The following NDUFS5 variants were observed in gnomAD, a reference collection of about 807,000 sequenced individuals.
The protein encoded by NDUFS5 is NADH dehydrogenase [ubiquinone] iron-sulfur protein 5.
A neutral mutation model predicts 10.5 loss-of-function variants in NDUFS5; 7 were observed. That is an observed-to-expected ratio of 0.66 (90% confidence interval 0.38 to 1.25). The LOEUF is 1.25. NDUFS5 is among the 50% of genes most tolerant of loss of function. The pLI is 0.02. For missense variants in NDUFS5, 148 were observed against 140.7 expected (o/e 1.05, Z -0.26); for synonymous variants, 38 against 44.0 (o/e 0.86, Z 0.54).
Position 39,034,576 on chromosome 1 carries a change from C to T in NDUFS5, c.*80C>T. On this transcript the variant is annotated 3_prime_UTR_variant, in exon 3 of 3. Coordinates refer to ENST00000372969, the MANE Select transcript of NDUFS5 (RefSeq NM_004552.3). ...GGAAAGGTTGTTTACGACAAACCTC[C>T]TTGTCAAAGTGTGTAAAAATAAAGG... 2 of 1,150,814 alleles carry T rather than the reference C, an allele frequency of 1.7e-6. No homozygotes were observed. Among genetic ancestry groups the T allele is most frequent in the East Asian group, 4.9e-5 (2 of 41,096 alleles). The allele number at this position is 1,150,814 out of a possible 1,614,324, so 71.3% of individuals were successfully genotyped here. A position where few individuals can be genotyped will look rare whatever the true frequency, so the allele number is the denominator to read the frequency against.
At chr1:39,029,385 T>C (rs1275570435) in intron 2 of NDUFS5, among the ~76,000 whole-genome samples, 2 of 152,182 alleles carry the variant, frequency 1.3e-5, no homozygotes, top group African/African-American at 2.4e-5. Flanking sequence ...GAAATACCTT[T>C]CCTACTTTGG....
At chr1:39,033,949 C>T (rs769826211) in intron 2 of NDUFS5, among the ~76,000 whole-genome samples, 11 of 151,934 alleles carry the variant, frequency 7.2e-5, no homozygotes, top group South Asian at 2.1e-4. Flanking sequence ...TACAGATGTG[C>T]ACCACCATCC....
At chr1:39,034,347 G>C in intron 2 of NDUFS5, 45 bp from the exon 3 acceptor site, 1 of 1,582,604 alleles carries the variant, frequency 6.3e-7, no homozygotes, top group Non-Finnish European at 8.7e-7. Flanking sequence ...TCACTTTTTG[G>C]CACATATCTC....
chr1:39,027,747 T>A (rs895420587), intron 1 of NDUFS5, among the ~76,000 whole-genome samples: 1 of 142,506 alleles, frequency 7.0e-6, no homozygotes, highest in Non-Finnish European at 1.5e-5. Flanking sequence ...GCCTTTTTTT[T>A]TTTTTTTTTT....
chr1:39,028,930 G>C lies in NDUFS5; in HGVS notation c.206G>C (p.Arg69Pro). 1.2e-6 allele frequency: 2 copies of C among 1,613,524 alleles called. No homozygotes were observed. Among genetic ancestry groups the C allele is most frequent in the Non-Finnish European group, 1.7e-6 (2 of 1,179,712 alleles). ...GATGATTTCGTAGAGTGTTTGCTTC[G>C]GCAGAAAACGGTAAGGAAATGATGG... ...EYDDFVECLLRQKTMRRAGTI... is the reference protein window; with the variant it reads ...EYDDFVECLLPQKTMRRAGTI... The change falls in exon 2 of 3, where the codon CGG (arginine) becomes CCG (proline). Residue 69 changes from arginine (R) to proline (P), a missense_variant. By Grantham distance (103) the Arg-to-Pro change is moderately radical. Coordinates refer to ENST00000372969, the MANE Select transcript of NDUFS5 (RefSeq NM_004552.3).
Position 39,028,827 on chromosome 1 carries a change from G to C in NDUFS5, c.103G>C (p.Ala35Pro), listed in dbSNP as rs760005176. ...QPYKMAGRCH[A>P]FEKEWIECAH... The stretch of plus-strand genomic sequence containing the variant: ...CTACAAGATGGCTGGTCGATGCCAT[G>C]CTTTTGAAAAAGAATGGATAGAATG... The change falls in exon 2 of 3, where the codon GCT becomes CCT. Residue 35 changes from alanine to proline, a missense_variant. Physicochemically the swap from Ala to Pro is conservative, Grantham distance 27. Transcript: ENST00000372969. 1.2e-6 allele frequency: 2 copies of C among 1,614,114 alleles called. No homozygotes were observed. The highest frequency in any genetic ancestry group is 1.7e-6 in the Non-Finnish European group (2 of 1,179,990).
chr1:39,027,481 G>T (rs1411101077), intron 1 of NDUFS5, among the ~76,000 whole-genome samples: 1 of 148,894 alleles, frequency 6.7e-6, no homozygotes, highest in Non-Finnish European at 1.5e-5. Flanking sequence ...TTGTGTGTGT[G>T]TTTTTACATT....
intron 2 of NDUFS5, among the ~76,000 whole-genome samples, chr1:39,029,502 C>G (rs571060324): frequency 1.3e-4 from 20 of 152,266 alleles, no homozygotes; most frequent in Admixed American, 5.2e-4. Context: ...CCTGCTTTAG[C>G]CACCAGGTTA....
intron 2 of NDUFS5, among the ~76,000 whole-genome samples, chr1:39,031,537 C>A (rs968596254): frequency 6.6e-6 from 1 of 152,084 alleles, no homozygotes; most frequent in Non-Finnish European, 1.5e-5. Flanking sequence ...AACTCCTGGC[C>A]TCAAACGATC....
chr1:39,028,156 G>T (rs1324659958), intron 1 of NDUFS5, among the ~76,000 whole-genome samples: 1 of 148,378 alleles, frequency 6.7e-6, no homozygotes, highest in Non-Finnish European at 1.5e-5. Flanking sequence ...TTTAGGCCAG[G>T]TGCAGTGGCT....
At position 39,028,786 on chromosome 1, in the gene NDUFS5, A is replaced by G; in HGVS notation, c.62A>G (p.Gln21Arg). The G allele has an allele frequency of 2.5e-6, 4 of 1,614,154 alleles. No individual in the cohort carries two copies. The highest frequency in any genetic ancestry group is 3.4e-6 in the Non-Finnish European group (4 of 1,180,028). The change falls in exon 2 of 3, where the codon CAG becomes CGG. Residue 21 changes from glutamine (Q) to arginine (R), a missense_variant. By Grantham distance (43) the Gln-to-Arg change is conservative (BLOSUM62 1). Coordinates refer to ENST00000372969, the MANE Select transcript of NDUFS5 (RefSeq NM_004552.3). Reference protein sequence around the residue: ...GLNIDRWLTIQSGEQPYKMAG... With the variant: ...GLNIDRWLTIRSGEQPYKMAG... ...AACATAGATCGATGGTTGACAATCC[A>G]GAGTGGTGAACAGCCCTACAAGATG...
chr1:39,028,135 T>TA (rs200377961), intron 1 of NDUFS5, among the ~76,000 whole-genome samples: 15,941 of 139,950 alleles, frequency 0.11, 1,106 homozygotes, highest in Non-Finnish European at 0.16. Context: ...GTGGCTGATT[T>TA]AAAAAAAAAA....
At chr1:39,028,109 C>T (rs76289224) in intron 1 of NDUFS5, among the ~76,000 whole-genome samples, 36,633 of 143,714 alleles carry the variant, frequency 0.25, 4,880 homozygotes, top group Non-Finnish European at 0.3. Context: ...CATGAGCCAC[C>T]GCGCCTGGCC....
rs780154418 is a variant in NDUFS5, at chr1:39,028,898, A to G, written c.174A>G (p.Ile58Met). The G allele has an allele frequency of 3.1e-6, 5 of 1,613,956 alleles. No individual in the cohort carries two copies. In the African/African-American group the frequency reaches 6.7e-5, roughly 22 times the overall value. ...GYTRAEKECK[I>M]EYDDFVECLL... ...CTCGGGCAGAGAAAGAGTGCAAGAT[A>G]GAATATGATGATTTCGTAGAGTGTT... is the stretch of plus-strand genomic sequence containing the variant. The change falls in exon 2 of 3, where the codon ATA becomes ATG. Residue 58 changes from isoleucine to methionine, a missense_variant. Coordinates refer to ENST00000372969, the MANE Select transcript of NDUFS5 (RefSeq NM_004552.3).
At chr1:39,032,270 A>C (rs1400872142) in intron 2 of NDUFS5, among the ~76,000 whole-genome samples, 1 of 152,214 alleles carries the variant, frequency 6.6e-6, no homozygotes, top group East Asian at 1.9e-4. Flanking sequence ...TTATCCTGGC[A>C]AGGCTGGCTT....
chr1:39,032,855 CA>C (rs1203874698), intron 2 of NDUFS5, among the ~76,000 whole-genome samples: 1 of 152,018 alleles, frequency 6.6e-6, no homozygotes, highest in African/African-American at 2.4e-5. Context: ...GCAGAGGAAA[CA>C]GCAAGTGCAA....
At chr1:39,027,093 A>T (rs7521735) in intron 1 of NDUFS5, among the ~76,000 whole-genome samples, 106,485 of 151,530 alleles carry the variant, frequency 0.7, 39,478 homozygotes, top group Non-Finnish European at 0.85. Context: ...GTTGAGATGG[A>T]GTTTCGCTCT....
chr1:39,026,940 A>G lies in NDUFS5; in HGVS notation c.-3+538A>G, dbSNP rs146037699. On this transcript the variant is annotated intron_variant, in intron 1 of 2. Coordinates refer to ENST00000372969, the MANE Select transcript of NDUFS5 (RefSeq NM_004552.3). ...GCTCTTACCCACTCGTGTTCCTTGCAGTGTATTCGCAATTCCGAGTGTGTG... is the reference window on the plus strand; with the variant it reads ...GCTCTTACCCACTCGTGTTCCTTGCGGTGTATTCGCAATTCCGAGTGTGTG... Among the ~76,000 whole-genome samples the G allele has an allele frequency of 9.6e-3, 1,468 of 152,306 alleles. 15 individuals are homozygous for G. Among genetic ancestry groups the G allele is most frequent in the Middle Eastern group, 0.051 (15 of 294 alleles).
At chr1:39,029,002 T>TC in intron 2 of NDUFS5, 62 bp downstream of exon 2, 2 of 1,485,838 alleles carry the variant, frequency 1.3e-6, no homozygotes, top group Non-Finnish European at 1.8e-6. Context: ...CTCTTTTTTT[T>TC]TTTTTTTGAG....
Sources: gnomAD v4.1 joint callset for allele counts (sites outside exome capture counted in the v4.1 genomes callset) on GRCh38, gnomAD v4.1.1 for gene constraint, MANE v1.5 for transcripts, NCBI Gene and HGNC (gene_info 2026-07-23, HGNC 2026-07-21) for gene names.